ADAM12: variants seen among roughly 807,000 people sequenced by gnomAD.
ADAM12 encodes the protein ADAM metallopeptidase domain 12.
Under a neutral mutation model 106.4 loss-of-function variants are expected in ADAM12, and 70 were observed. The ratio of observed to expected loss-of-function variants is 0.66; its 90% CI spans 0.54 to 0.80. The LOEUF is 0.80. Ranked by LOEUF, ADAM12 falls within the 30% of genes least tolerant of loss-of-function variation. The probability of loss-of-function intolerance (pLI) is 0.00; values close to 1 mark genes in which losing one functional copy is unlikely to be tolerated. For missense variants in ADAM12, 1,010 were observed against 1,171.9 expected (o/e 0.86, Z 2.02); for synonymous variants, 420 against 433.5 (o/e 0.97, Z 0.39).
intron 9 of ADAM12, 86 bp from the exon 10 acceptor site, chr10:126,098,586 C>A: frequency 9.0e-7 from 1 of 1,111,500 alleles, no homozygotes; most frequent in Admixed American, 1.9e-5. Context: ...GATATTCCTG[C>A]AATAAAATAC....
At chr10:126,197,303 A>G (rs1957614616) in intron 3 of ADAM12, among the ~76,000 whole-genome samples, 1 of 152,240 alleles carries the variant, frequency 6.6e-6, no homozygotes. Context: ...AGCCAGCTGC[A>G]TCTGATCTGT....
chr10:126,199,067 C>T (rs1283339011), intron 3 of ADAM12, among the ~76,000 whole-genome samples: 1 of 152,134 alleles, frequency 6.6e-6, no homozygotes, highest in East Asian at 1.9e-4. Context: ...GCTTTTGGGG[C>T]CCTAGGAATA....
intron 3 of ADAM12, among the ~76,000 whole-genome samples, chr10:126,158,247 G>A (rs958323961): frequency 1.3e-5 from 2 of 151,994 alleles, no homozygotes; most frequent in African/African-American, 4.8e-5. Flanking sequence ...CACACAGCAC[G>A]GGAGAAAGCA....
In ADAM12 at chr10:126,155,237, C is replaced by A. The variant is rs745765822; in HGVS notation, c.329G>T (p.Arg110Leu). The change falls in exon 4 of 23, where the codon CGA (arginine) becomes CTA (leucine). Residue 110 changes from arginine (R) to leucine (L), a missense_variant. Around this residue, in one of 3 missense-constraint regions of ADAM12, gnomAD observed 391 missense variants for 442.9 expected, o/e 0.88. Coordinates refer to ENST00000448723, the MANE Select transcript of ADAM12 (RefSeq NM_001288973.2). ...ACGTGCCAGAATTACCGTGTAATTTCGAGCGAGGGAGACATCAGTACCGTC... is the reference window on the plus strand; with the variant it reads ...ACGTGCCAGAATTACCGTGTAATTTAGAGCGAGGGAGACATCAGTACCGTC... ...LQDGTDVSLA[R>L]NYTGHCYYHG... 1 of 1,614,008 alleles carries A rather than the reference C, an allele frequency of 6.2e-7. No individual in the cohort carries two copies. Among genetic ancestry groups the A allele is most frequent in the Non-Finnish European group, 8.5e-7 (1 of 1,179,956 alleles).
intron 3 of ADAM12, among the ~76,000 whole-genome samples, chr10:126,219,618 A>C (rs1958052946): frequency 6.6e-6 from 1 of 152,242 alleles, no homozygotes; most frequent in African/African-American, 2.4e-5. Context: ...TTAGTTGAAT[A>C]TAATAGTTTA....
chr10:126,201,259 G>A (rs886229383), intron 3 of ADAM12, among the ~76,000 whole-genome samples: 4 of 152,300 alleles, frequency 2.6e-5, no homozygotes, highest in African/African-American at 9.6e-5. Context: ...ACGTAACCAA[G>A]CTAAGTTGAG....
At chr10:126,192,048 G>T (rs1056398546) in intron 3 of ADAM12, among the ~76,000 whole-genome samples, 2 of 152,084 alleles carry the variant, frequency 1.3e-5, no homozygotes, top group Non-Finnish European at 2.9e-5. Context: ...AGCACCAAGG[G>T]GAAAGTCTGC....
intron 10 of ADAM12, among the ~76,000 whole-genome samples, chr10:126,097,020 T>C (rs1490496465): frequency 6.6e-6 from 1 of 152,170 alleles, no homozygotes; most frequent in African/African-American, 2.4e-5. Context: ...GAAAGCCGCT[T>C]ACTCTGGTGA....
chr10:126,289,612 A>T (rs1275393729), intron 2 of ADAM12, among the ~76,000 whole-genome samples: 2 of 152,226 alleles, frequency 1.3e-5, no homozygotes, highest in African/African-American at 2.4e-5. Context: ...ATCAATTTCT[A>T]GGAGCATCCT....
At chr10:126,374,824 G>C (rs1346680615) in intron 1 of ADAM12, among the ~76,000 whole-genome samples, 1 of 151,988 alleles carries the variant, frequency 6.6e-6, no homozygotes, top group South Asian at 2.1e-4. Context: ...ATAATTGATT[G>C]GATTCAAGAA....
In ADAM12 at chr10:126,035,613, A is replaced by G. The variant is rs559573990; in HGVS notation, c.2529+533T>C. 2.6e-5 allele frequency among the ~76,000 whole-genome samples: 4 copies of G among 152,366 alleles called. No individual in the cohort carries two copies. The East Asian group carries it at 7.7e-4, about 29-fold the overall frequency. On this transcript the variant is annotated intron_variant, in intron 21 of 22. Coordinates refer to ENST00000448723, the MANE Select transcript of ADAM12 (RefSeq NM_001288973.2). Reference sequence around the variant, plus strand: ...CCCTTCAAGTTTTCTATTGTGAAATATCATTCGTTATTGCAGCAAACAGAA... The same window carrying G: ...CCCTTCAAGTTTTCTATTGTGAAATGTCATTCGTTATTGCAGCAAACAGAA...
In ADAM12 at chr10:126,161,627, C is replaced by T. The variant is rs142001623; in HGVS notation, c.261-6322G>A. 1.6e-3 allele frequency among the ~76,000 whole-genome samples: 244 copies of T among 152,324 alleles called. 1 individual carries two copies. The highest frequency in any genetic ancestry group is 3.4e-3 in the Middle Eastern group (1 of 294). On this transcript the variant is annotated intron_variant, in intron 3 of 22. Transcript: ENST00000448723. The stretch of plus-strand genomic sequence containing the variant: ...TTTCTGCTCCTTCCTGGGTGATACA[C>T]GTCCCACATCTTTCTCCAGCACCAT...
chr10:126,066,793 C>A lies in ADAM12; in HGVS notation c.1337G>T (p.Arg446Leu), dbSNP rs752942246. Residue 446 changes from arginine (R) to leucine (L), a missense_variant, in exon 13 of 23, where the codon CGC becomes CTC. Transcript: ENST00000448723. The surrounding 1 kb of genome is among the most constrained non-coding windows in gnomAD (Gnocchi z 5.1). ...GGTACAGGTGGTGGCATTGCAGCAG[C>A]GATTCATACATTCCTGGAAAGGGGA... Reference protein sequence around the residue: ...DCGEPEECMNRCCNATTCTLK... With the variant: ...DCGEPEECMNLCCNATTCTLK... 1.9e-6 allele frequency: 3 copies of A among 1,613,934 alleles called. No individual in the cohort carries two copies. Among genetic ancestry groups the A allele is most frequent in the Non-Finnish European group, 2.5e-6 (3 of 1,179,940 alleles).
At chr10:126,281,266 T>G (rs961629203) in intron 2 of ADAM12, among the ~76,000 whole-genome samples, 2 of 146,060 alleles carry the variant, frequency 1.4e-5, no homozygotes, top group African/African-American at 5.6e-5. Flanking sequence ...TATAACTACA[T>G]GTTTCATATG....
chr10:126,150,516 T>C (rs1450540792), intron 4 of ADAM12, among the ~76,000 whole-genome samples: 3 of 152,108 alleles, frequency 2.0e-5, no homozygotes, highest in Non-Finnish European at 4.4e-5. Flanking sequence ...GAGAAACAAA[T>C]TGCCCATCCA....
At chr10:126,182,641 T>C (rs1315166300) in intron 3 of ADAM12, among the ~76,000 whole-genome samples, 1 of 152,102 alleles carries the variant, frequency 6.6e-6, no homozygotes, top group Non-Finnish European at 1.5e-5. Flanking sequence ...GAGCCCAGAT[T>C]TCATGTAAGT....
intron 3 of ADAM12, among the ~76,000 whole-genome samples, chr10:126,239,878 G>A (rs1408540664): frequency 6.6e-6 from 1 of 152,190 alleles, no homozygotes; most frequent in African/African-American, 2.4e-5. Flanking sequence ...ATGGGCAGGT[G>A]GAATCCATAT....
intron 7 of ADAM12, 30 bp from the exon 8 acceptor site, chr10:126,108,694 C>T (rs1955819002): frequency 1.9e-6 from 3 of 1,573,640 alleles, no homozygotes; most frequent in Non-Finnish European, 2.6e-6. Context: ...AGCATTAATA[C>T]CAGCAAGAAT....
At chr10:126,119,739 C>A (rs533377727) in intron 5 of ADAM12, among the ~76,000 whole-genome samples, 5 of 152,294 alleles carry the variant, frequency 3.3e-5, no homozygotes, top group African/African-American at 1.2e-4. Flanking sequence ...TGGACCATGA[C>A]ACATGTCTGA....
Sources: gnomAD v4.1 joint callset for allele counts (sites outside exome capture counted in the v4.1 genomes callset) on GRCh38, gnomAD v4.1.1 for gene constraint, gnomAD v4.1.1 regional missense constraint, Gnocchi (gnomAD v3.1) non-coding constraint, MANE v1.5 for transcripts, NCBI Gene and HGNC (gene_info 2026-07-23, HGNC 2026-07-21) for gene names.